Variants in N4BP3 observed in about 807,000 individuals in gnomAD.
N4BP3 encodes NEDD4 binding protein 3.
Under a neutral mutation model 43.8 loss-of-function variants are expected in N4BP3, and 33 were observed. The observed-to-expected ratio is 0.75, with a 90% confidence interval of 0.57 to 1.01. The LOEUF is 1.01. Among genes scored for constraint, N4BP3 ranks in the 50% least tolerant of loss-of-function variants. N4BP3 has a pLI of 0.00. For missense variants in N4BP3, 756 were observed against 744.2 expected (o/e 1.02, Z -0.18); for synonymous variants, 326 against 321.9 (o/e 1.01, Z -0.14).
At chr5:178,114,278 A>G (rs1164145534) in intron 1 of N4BP3, among the ~76,000 whole-genome samples, 3 of 152,084 alleles carry the variant, frequency 2.0e-5, no homozygotes, top group Non-Finnish European at 4.4e-5. Flanking sequence ...TCCTGACACA[A>G]ATTCCGTGGG....
Position 178,117,818 on chromosome 5 carries a change from TG to T in N4BP3, c.-30-1731del, listed in dbSNP as rs944898978. Among the ~76,000 whole-genome samples, 25 of 151,198 alleles carry T rather than the reference TG, an allele frequency of 1.7e-4. No individual in the cohort carries two copies. In the South Asian group the frequency reaches 3.8e-3, roughly 23 times the overall value. ...ACCCGGATTCGCCCCATCCTGGGTT[TG>T]GGGGTTGGTTGGGGGAGAGCTGAGG... is the stretch of plus-strand genomic sequence containing the variant. On this transcript the variant is annotated intron_variant, in intron 1 of 4. Coordinates refer to ENST00000274605, the MANE Select transcript of N4BP3 (RefSeq NM_015111.2).
chr5:178,121,272 C>T lies in N4BP3; in HGVS notation c.1027C>T (p.Leu343=). 6.2e-7 allele frequency: 1 copy of T among 1,606,582 alleles called. No individual in the cohort carries two copies. The highest frequency in any genetic ancestry group is 2.2e-5 in the East Asian group (1 of 44,548). ...CAAGGAGCTGCGGGCTCAGCAGGGC[C>T]TGGCTCCGGAGCCTCGGGCCCCCGG... ...LRKELRAQQG[L]APEPRAPGTL... The change falls in exon 4 of 5, where the codon CTG becomes TTG. Residue 343 remains leucine (L), a synonymous_variant. Coordinates refer to ENST00000274605, the MANE Select transcript of N4BP3 (RefSeq NM_015111.2).
chr5:178,120,148 C>G, intron 2 of N4BP3, 30 bp from the exon 3 acceptor site: 1 of 1,539,478 alleles, frequency 6.5e-7, no homozygotes, highest in South Asian at 1.3e-5. Context: ...AGGTCTCACA[C>G]CTGCCCTCTC....
Position 178,122,004 on chromosome 5 carries a change from C to A in N4BP3, c.*3C>A. ...GGCTCGAGTCCTCCAAGATCTGAGG[C>A]CAGCAGAGCGAGCTGACAGCAGCAA... is the stretch of plus-strand genomic sequence containing the variant. On this transcript the variant is annotated 3_prime_UTR_variant, in exon 5 of 5. Coordinates refer to ENST00000274605, the MANE Select transcript of N4BP3 (RefSeq NM_015111.2). The A allele has an allele frequency of 1.3e-6, 2 of 1,581,778 alleles. No individual in the cohort carries two copies. Among genetic ancestry groups the A allele is most frequent in the Non-Finnish European group, 8.6e-7 (1 of 1,164,638 alleles).
intron 3 of N4BP3, 23 bp downstream of exon 3, chr5:178,120,722 G>A (rs1459334084): frequency 6.4e-7 from 1 of 1,550,864 alleles, no homozygotes; most frequent in Non-Finnish European, 8.7e-7. Flanking sequence ...CTGCCCTGGA[G>A]TCCTGTTCTG....
chr5:178,120,274 T>A lies in N4BP3; in HGVS notation c.427T>A (p.Trp143Arg), dbSNP rs934304363. 1.2e-6 allele frequency: 2 copies of A among 1,610,448 alleles called. No individual in the cohort carries two copies. Reference sequence around the variant, plus strand: ...GGCGTCCCACAAAGGCCAGAAGCTGTGGCGCAGCAATGGCAGCCTGCACAC... The same window carrying A: ...GGCGTCCCACAAAGGCCAGAAGCTGAGGCGCAGCAATGGCAGCCTGCACAC... ...SLASHKGQKL[W>R]RSNGSLHTLA... The change falls in exon 3 of 5, where the codon TGG becomes AGG. Residue 143 changes from tryptophan (W) to arginine (R), a missense_variant. Transcript: ENST00000274605.
At position 178,118,503 on chromosome 5, in the gene N4BP3, G is replaced by C. The variant is rs1045973423; in HGVS notation, c.-30-1051G>C. 1.3e-5 allele frequency among the ~76,000 whole-genome samples: 2 copies of C among 152,174 alleles called. No individual in the cohort carries two copies. The highest frequency in any genetic ancestry group is 2.4e-5 in the African/African-American group (1 of 41,432). ...CCCACCCTGCCGGGTGGTGGGCTTTGGAATAAGAGCATATACAGGGGCTGG... is the reference window on the plus strand; with the variant it reads ...CCCACCCTGCCGGGTGGTGGGCTTTCGAATAAGAGCATATACAGGGGCTGG... On this transcript the variant is annotated intron_variant, in intron 1 of 4. Transcript: ENST00000274605. This position sits in a 1 kb window ranked among gnomAD's most constrained non-coding sequence, Gnocchi z 5.4.
In N4BP3 at chr5:178,120,299, C is replaced by T. The variant is rs539560362; in HGVS notation, c.452C>T (p.Thr151Met). The part of the protein sequence containing the change: ...KLWRSNGSLH[T>M]LACHPPLSPG... ...TGGCGCAGCAATGGCAGCCTGCACA[C>T]GCTGGCCTGCCACCCGCCCCTGAGC... The change falls in exon 3 of 5, where the codon ACG becomes ATG. Residue 151 changes from threonine (T) to methionine (M), a missense_variant. Physicochemically the swap from Thr to Met is moderately conservative, Grantham distance 81. Transcript: ENST00000274605. 1.4e-5 allele frequency: 22 copies of T among 1,608,948 alleles called. No individual in the cohort carries two copies. In the South Asian group the frequency reaches 1.7e-4, roughly 12 times the overall value.
intron 3 of N4BP3, 47 bp downstream of exon 3, chr5:178,120,746 G>A (rs748638699): frequency 4.6e-5 from 70 of 1,514,706 alleles, no homozygotes; most frequent in Non-Finnish European, 5.8e-5. Context: ...CTCAGCACTG[G>A]GGTACAGGCC....
chr5:178,114,439 C>G (rs1757723928), intron 1 of N4BP3, among the ~76,000 whole-genome samples: 1 of 152,212 alleles, frequency 6.6e-6, no homozygotes, highest in Non-Finnish European at 1.5e-5. Context: ...GCCAGAGCAC[C>G]CGGTCCAGTC....
rs1581095776 is a variant in N4BP3, at chr5:178,123,461, C to T, written c.*1460C>T. 1.3e-5 allele frequency: 2 copies of T among 152,480 alleles called. No individual in the cohort carries two copies. The highest frequency in any genetic ancestry group is 4.1e-4 in the South Asian group (2 of 4,834). The allele number at this position is 152,480 out of a possible 1,614,324, so 9.4% of individuals were successfully genotyped here. A position where few individuals can be genotyped will look rare whatever the true frequency, so the allele number is the denominator to read the frequency against. The stretch of plus-strand genomic sequence containing the variant: ...GCTCAGGGAACTTCTGAGAAGTTAT[C>T]TGCAGAGAGCCCCACCTCACTCCCT... On this transcript the variant is annotated 3_prime_UTR_variant, in exon 5 of 5. Transcript: ENST00000274605.
In N4BP3 at chr5:178,118,987, T is replaced by A. The variant is rs1348922238; in HGVS notation, c.-30-567T>A. On this transcript the variant is annotated intron_variant, in intron 1 of 4. Transcript: ENST00000274605. The surrounding 1 kb of genome is among the most constrained non-coding windows in gnomAD (Gnocchi z 5.4). The stretch of plus-strand genomic sequence containing the variant: ...TTCATGCCATTCTCCAGCCTCAGCC[T>A]CCCGAGTAGCTGGGACTACAGGCGC... Among the ~76,000 whole-genome samples, 1 of 151,422 alleles carries A rather than the reference T, an allele frequency of 6.6e-6. No homozygotes were observed. The highest frequency in any genetic ancestry group is 2.4e-5 in the African/African-American group (1 of 41,194).
intron 1 of N4BP3, among the ~76,000 whole-genome samples, chr5:178,119,240 C>T (rs1757847468): frequency 6.6e-6 from 1 of 152,238 alleles, no homozygotes; most frequent in South Asian, 2.1e-4. Context: ...AGGCCTATCC[C>T]CTCCCGGTAC....
At position 178,118,872 on chromosome 5, in the gene N4BP3, T is replaced by C. The variant is rs1366552153; in HGVS notation, c.-30-682T>C. Among the ~76,000 whole-genome samples the C allele has an allele frequency of 6.6e-6, 1 of 150,984 alleles. No homozygotes were observed. The highest frequency in any genetic ancestry group is 2.4e-5 in the African/African-American group (1 of 41,250). On this transcript the variant is annotated intron_variant, in intron 1 of 4. Transcript: ENST00000274605. This position sits in a 1 kb window ranked among gnomAD's most constrained non-coding sequence, Gnocchi z 5.4. ...GTTCAGCCAGGCTGAGTTTTCTTTTTTTTTTTTTTTTGAGATGGAGTCTCC... is the reference window on the plus strand; with the variant it reads ...GTTCAGCCAGGCTGAGTTTTCTTTTCTTTTTTTTTTTGAGATGGAGTCTCC...
Position 178,123,663 on chromosome 5 carries a change from T to G in N4BP3, c.*1662T>G, listed in dbSNP as rs984922421. 1 of 152,844 alleles carries G rather than the reference T, an allele frequency of 6.5e-6. No homozygotes were observed. Among genetic ancestry groups the G allele is most frequent in the African/African-American group, 2.4e-5 (1 of 41,442 alleles). 9.5% of individuals were successfully genotyped at this position (152,844 alleles called of 1,614,324 possible). A position where few individuals can be genotyped will look rare whatever the true frequency, so the allele number is the denominator to read the frequency against. ...ACTGTCTGCTGTGGGGATGGTGTGT[T>G]TATGGCCATGTAAGTGGCAGGTGTG... is the stretch of plus-strand genomic sequence containing the variant. On this transcript the variant is annotated 3_prime_UTR_variant, in exon 5 of 5. Transcript: ENST00000274605.
intron 1 of N4BP3, among the ~76,000 whole-genome samples, chr5:178,114,866 G>T (rs1757736365): frequency 6.6e-6 from 1 of 152,224 alleles, no homozygotes; most frequent in Admixed American, 6.5e-5. Context: ...CGCAGTCTAG[G>T]GCAGCCTGGT....
At chr5:178,120,893 T>C (rs564611452) in intron 3 of N4BP3, among the ~76,000 whole-genome samples, 194 bp downstream of exon 3, 47 of 151,714 alleles carry the variant, frequency 3.1e-4, no homozygotes, top group African/African-American at 1.1e-3. Flanking sequence ...TGCCTGGGAG[T>C]TGTGTGGGAA....
chr5:178,122,425 C>T lies in N4BP3; in HGVS notation c.*424C>T. On this transcript the variant is annotated 3_prime_UTR_variant, in exon 5 of 5. Coordinates refer to ENST00000274605, the MANE Select transcript of N4BP3 (RefSeq NM_015111.2). ...TACCAGAGGCTCAGAATACGCTGAGCCTGTGACCAGAGGATGATGGATGGT... is the reference window on the plus strand; with the variant it reads ...TACCAGAGGCTCAGAATACGCTGAGTCTGTGACCAGAGGATGATGGATGGT... 1.1e-5 allele frequency: 2 copies of T among 176,526 alleles called. No homozygotes were observed. The highest frequency in any genetic ancestry group is 1.2e-5 in the Non-Finnish European group (1 of 82,570). 10.9% of individuals were successfully genotyped at this position (176,526 alleles called of 1,614,324 possible).
chr5:178,120,415 G>A lies in N4BP3; in HGVS notation c.568G>A (p.Asp190Asn), dbSNP rs377060909. The A allele has an allele frequency of 1.4e-5, 22 of 1,612,846 alleles. No homozygotes were observed. Among genetic ancestry groups the A allele is most frequent in the African/African-American group, 5.3e-5 (4 of 74,922 alleles). Residue 190 changes from aspartate (D) to asparagine (N), a missense_variant, in exon 3 of 5, where the codon GAC becomes AAC. Physicochemically the swap from Asp to Asn is conservative, Grantham distance 23. Coordinates refer to ENST00000274605, the MANE Select transcript of N4BP3 (RefSeq NM_015111.2). ...CCCTGAGCCCGAGCCCAGCCTGTCC[G>A]ACTCCTCCAGTGGGGGTAGTTTTGG... is the stretch of plus-strand genomic sequence containing the variant. Reference protein sequence around the residue: ...GGPEPEPSLSDSSSGGSFGRS... With the variant: ...GGPEPEPSLSNSSSGGSFGRS...
Sources: gnomAD v4.1 joint callset for allele counts (sites outside exome capture counted in the v4.1 genomes callset) on GRCh38, gnomAD v4.1.1 for gene constraint, Gnocchi (gnomAD v3.1) non-coding constraint, MANE v1.5 for transcripts, NCBI Gene and HGNC (gene_info 2026-07-23, HGNC 2026-07-21) for gene names.